The following SLC6A18 variants were observed in gnomAD, a reference collection of about 807,000 sequenced individuals.
SLC6A18 encodes the protein inactive sodium-dependent neutral amino acid transporter B(0)AT3.
A neutral mutation model predicts 62.9 loss-of-function variants in SLC6A18; 58 were observed. The ratio of observed to expected loss-of-function variants is 0.92; its 90% CI spans 0.75 to 1.15. SLC6A18 has a LOEUF of 1.15. SLC6A18 is among the 50% of genes most tolerant of loss of function. SLC6A18 has a pLI of 0.00. For missense variants in SLC6A18, 793 were observed against 836.6 expected, an observed-to-expected ratio of 0.95 and a Z score of 0.64; for synonymous variants, 382 against 365.8, an observed-to-expected ratio of 1.04 and a Z score of -0.51.
chr5:1,225,458 G>A lies in SLC6A18; in HGVS notation c.-20G>A, dbSNP rs750831020. 20 of 1,605,086 alleles carry A rather than the reference G, an allele frequency of 1.2e-5. No homozygotes were observed. Among genetic ancestry groups the A allele is most frequent in the Non-Finnish European group, 1.7e-5 (20 of 1,176,522 alleles). The stretch of plus-strand genomic sequence containing the variant: ...AGTGAGGCACCACCCTTGCCCTGAA[G>A]CCTGGGGCACTCAGTCACCATGGCT... On this transcript the variant is annotated 5_prime_UTR_variant, in exon 1 of 12. Coordinates refer to ENST00000324642, the MANE Select transcript of SLC6A18 (RefSeq NM_182632.3).
chr5:1,244,339 G>T lies in SLC6A18; in HGVS notation c.1462G>T (p.Val488Phe), dbSNP rs772280218. Residue 488 changes from valine to phenylalanine, a missense_variant, in exon 10 of 12, where the codon GTT (valine) becomes TTT (phenylalanine). By Grantham distance (50) the Val-to-Phe change is conservative. Coordinates refer to ENST00000324642, the MANE Select transcript of SLC6A18 (RefSeq NM_182632.3). ...CCTGCTCATGTTGGCCTTTCTCGAG[G>T]TTGTGGGTGTCGTTTATGTTTATGG... ...PNLLMLAFLE[V>F]VGVVYVYGMK... 10 of 1,614,056 alleles carry T rather than the reference G, an allele frequency of 6.2e-6. No homozygotes were observed. In the African/African-American group the frequency reaches 1.2e-4, roughly 19 times the overall value.
chr5:1,238,029 C>A lies in SLC6A18; in HGVS notation c.701C>A (p.Thr234Lys). 3.1e-6 allele frequency: 5 copies of A among 1,614,174 alleles called. No individual in the cohort carries two copies. Among genetic ancestry groups the A allele is most frequent in the Non-Finnish European group, 4.2e-6 (5 of 1,179,990 alleles). Residue 234 changes from threonine (T) to lysine (K), a missense_variant, in exon 5 of 12, where the codon ACA becomes AAA. Coordinates refer to ENST00000324642, the MANE Select transcript of SLC6A18 (RefSeq NM_182632.3). ...AGAGGGCTGACCCTGCCAGGGGCAA[C>A]AAAAGGACTCATCTACTTGTTCACT... ...LIRGLTLPGA[T>K]KGLIYLFTPN...
chr5:1,239,420 G>C, intron 5 of SLC6A18, 30 bp from the exon 6 acceptor site: 1 of 1,552,186 alleles, frequency 6.4e-7, no homozygotes, highest in Non-Finnish European at 8.9e-7. Context: ...TTTGCCTGCT[G>C]AGTGAGACGC....
chr5:1,244,446 G>A, intron 10 of SLC6A18, 73 bp downstream of exon 10: 1 of 1,590,098 alleles, frequency 6.3e-7, no homozygotes, highest in Non-Finnish European at 8.6e-7. Context: ...CCGGGCACAG[G>A]TTCAACCCGC....
At position 1,235,656 on chromosome 5, in the gene SLC6A18, A is replaced by G. The variant is rs995186528; in HGVS notation, c.615A>G (p.Thr205=). The G allele has an allele frequency of 4.3e-6, 7 of 1,613,740 alleles. No individual in the cohort carries two copies. The South Asian group carries it at 7.7e-5, about 18-fold the overall frequency. The change falls in exon 4 of 12, where the codon ACA becomes ACG. Residue 205 remains threonine, a synonymous_variant. Coordinates refer to ENST00000324642, the MANE Select transcript of SLC6A18 (RefSeq NM_182632.3). The part of the protein sequence containing the change: ...YMCVIRGIET[T]GKVIYFTALF... Reference sequence around the variant, plus strand: ...GTGTCATCAGGGGCATTGAGACTACAGGGAAGGTGAGAGCTGGCAGGGCCT... The same window carrying G: ...GTGTCATCAGGGGCATTGAGACTACGGGGAAGGTGAGAGCTGGCAGGGCCT...
chr5:1,237,940 T>C lies in SLC6A18; in HGVS notation c.622-10T>C. ...ATTTCAAGTCTCATGACTCCACCTT[T>C]TGTTTCAAGGTGATTTACTTCACAG... is the stretch of plus-strand genomic sequence containing the variant. On this transcript the variant is annotated splice_polypyrimidine_tract_variant and intron_variant, in intron 4 of 11. Transcript: ENST00000324642. The C allele has an allele frequency of 6.2e-7, 1 of 1,605,204 alleles. No individual in the cohort carries two copies. Among genetic ancestry groups the C allele is most frequent in the South Asian group, 1.1e-5 (1 of 90,904 alleles).
At chr5:1,237,880 C>A in intron 4 of SLC6A18, 70 bp from the exon 5 acceptor site, 1 of 1,260,220 alleles carries the variant, frequency 7.9e-7, no homozygotes, top group Non-Finnish European at 1.2e-6. Flanking sequence ...TGGAGCCTGC[C>A]TGCTTCTCTG....
At chr5:1,240,060 G>T (rs1328740161) in intron 6 of SLC6A18, among the ~76,000 whole-genome samples, 3 of 152,194 alleles carry the variant, frequency 2.0e-5, no homozygotes, top group Non-Finnish European at 2.9e-5. Context: ...GGAGAGGCAG[G>T]TTGGTCCCTG....
intron 1 of SLC6A18, among the ~76,000 whole-genome samples, chr5:1,228,965 G>A (rs1746654343): frequency 6.6e-6 from 1 of 152,204 alleles, no homozygotes; most frequent in African/African-American, 2.4e-5. Flanking sequence ...TGCATGGACT[G>A]ACTGTCTCTT....
At position 1,241,546 on chromosome 5, in the gene SLC6A18, C is replaced by T. The variant is rs1436244494; in HGVS notation, c.974+887C>T. 6.6e-6 allele frequency among the ~76,000 whole-genome samples: 1 copy of T among 152,096 alleles called. No individual in the cohort carries two copies. The highest frequency in any genetic ancestry group is 6.5e-5 in the Admixed American group (1 of 15,276). On this transcript the variant is annotated intron_variant, in intron 7 of 11. Transcript: ENST00000324642. The surrounding 1 kb of genome is among the most constrained non-coding windows in gnomAD (Gnocchi z 7.8). ...AGCAGGGCAGCACGTCAGCACTGCA[C>T]CTGATGGCACTTTTCAACGGGGACG...
chr5:1,237,879 C>T lies in SLC6A18; in HGVS notation c.622-71C>T, dbSNP rs532436597. On this transcript the variant is annotated intron_variant, in intron 4 of 11. Transcript: ENST00000324642. ...CCACAAGGGCGGTGTCTGGAGCCTG[C>T]CTGCTTCTCTGAGGCTTGTGGACAG... 43 of 1,245,384 alleles carry T rather than the reference C, an allele frequency of 3.5e-5. No individual in the cohort carries two copies. In the African/African-American group the frequency reaches 6.4e-4, roughly 18 times the overall value. The allele number at this position is 1,245,384 out of a possible 1,614,324, so 77.1% of individuals were successfully genotyped here. A position where few individuals can be genotyped will look rare whatever the true frequency, so the allele number is the denominator to read the frequency against.
Position 1,240,961 on chromosome 5 carries a change from G to A in SLC6A18, c.974+302G>A, listed in dbSNP as rs187598426. Among the ~76,000 whole-genome samples, 318 of 152,308 alleles carry A rather than the reference G, an allele frequency of 2.1e-3. 1 individual carries two copies. The highest frequency in any genetic ancestry group is 3.8e-3 in the Non-Finnish European group (260 of 68,036). On this transcript the variant is annotated intron_variant, in intron 7 of 11. Transcript: ENST00000324642. ...AGACAGACACAGAGGAGGAGGCCACGTGAAGACAGGCAGAGGTCGCAGCGC... is the reference window on the plus strand; with the variant it reads ...AGACAGACACAGAGGAGGAGGCCACATGAAGACAGGCAGAGGTCGCAGCGC...
intron 7 of SLC6A18, 86 bp downstream of exon 7, chr5:1,240,745 G>T (rs947807437): frequency 9.0e-6 from 14 of 1,556,706 alleles, no homozygotes; most frequent in Non-Finnish European, 1.2e-5. Flanking sequence ...GCATGAGGAA[G>T]GGTGGCGTGG....
chr5:1,233,726 A>AC (rs1746797999), intron 3 of SLC6A18, among the ~76,000 whole-genome samples: 1 of 149,284 alleles, frequency 6.7e-6, no homozygotes, highest in South Asian at 2.1e-4. Context: ...GGGACCACAG[A>AC]CAAGTGCCTC....
At position 1,227,343 on chromosome 5, in the gene SLC6A18, C is replaced by T. The variant is rs115805075; in HGVS notation, c.160+1706C>T. ...GGAGAACAGCCCTGCCCGCCAGCTG[C>T]GCGGGGACTTCAGGGCTGCTCCACT... On this transcript the variant is annotated intron_variant, in intron 1 of 11. Coordinates refer to ENST00000324642, the MANE Select transcript of SLC6A18 (RefSeq NM_182632.3). Among the ~76,000 whole-genome samples the T allele has an allele frequency of 6.4e-3, 979 of 152,102 alleles. 13 individuals carry two copies. The highest frequency in any genetic ancestry group is 0.023 in the African/African-American group (939 of 41,522).
At chr5:1,238,196 G>A (rs925327678) in intron 5 of SLC6A18, 136 bp downstream of exon 5, 7 of 725,966 alleles carry the variant, frequency 9.6e-6, no homozygotes, top group Middle Eastern at 3.8e-4. Context: ...GTGGTCAGGG[G>A]TGAGGTTGGC....
At chr5:1,242,369 G>A (rs920110435) in intron 7 of SLC6A18, among the ~76,000 whole-genome samples, 1 of 149,820 alleles carries the variant, frequency 6.7e-6, no homozygotes, top group Non-Finnish European at 1.5e-5. Context: ...GCGTCCACAC[G>A]ATCCCAACAG....
chr5:1,226,203 A>G (rs10062001), intron 1 of SLC6A18, among the ~76,000 whole-genome samples: 138,541 of 152,224 alleles, frequency 0.91, 63,480 homozygotes, highest in Non-Finnish European at 0.95. Flanking sequence ...CCTTGGACTC[A>G]CCACCCCCAG....
intron 1 of SLC6A18, among the ~76,000 whole-genome samples, chr5:1,229,336 C>T (rs1413894477): frequency 6.6e-6 from 1 of 152,088 alleles, no homozygotes; most frequent in Admixed American, 6.6e-5. Context: ...AAAACCCTCT[C>T]ATCTCCTCTC....
Sources: allele counts gnomAD v4.1 joint callset (sites outside exome capture counted in the v4.1 genomes callset), GRCh38; gene constraint gnomAD v4.1.1; non-coding constraint Gnocchi (gnomAD v3.1); transcripts MANE v1.5; gene names NCBI Gene and HGNC (gene_info 2026-07-23, HGNC 2026-07-21).